WDPCP: variants seen among roughly 807,000 people sequenced by gnomAD.
WDPCP encodes WD repeat-containing and planar cell polarity effector protein fritz homolog.
In WDPCP, 71 loss-of-function variants were observed where a neutral mutation model predicts 93.1. That is an observed-to-expected ratio of 0.76 (90% CI 0.63 to 0.93). The LOEUF (loss-of-function observed/expected upper bound fraction) is 0.93. Among genes scored for constraint, WDPCP ranks in the 40% least tolerant of loss-of-function variants. The pLI, the probability that WDPCP is intolerant of heterozygous loss-of-function variation, is 0.00. For missense variants in WDPCP, 844 were observed against 887.4 expected, an observed-to-expected ratio of 0.95 and a Z score of 0.62; for synonymous variants, 315 against 315.0, an observed-to-expected ratio of 1.00 and a Z score of 0.00.
intron 9 of WDPCP, among the ~76,000 whole-genome samples, chr2:63,412,640 C>T (rs1575363800): frequency 6.6e-6 from 1 of 152,206 alleles, no homozygotes; most frequent in East Asian, 1.9e-4. Context: ...TGTAAGTACT[C>T]CTCCAGAAAG....
At chr2:63,747,736 T>C (rs2103873337) in intron 2 of WDPCP, among the ~76,000 whole-genome samples, 1 of 152,080 alleles carries the variant, frequency 6.6e-6, no homozygotes, top group African/African-American at 2.4e-5. Flanking sequence ...TCTTTAAGAG[T>C]GTTTTGGCTA....
At chr2:63,504,516 GGTAAA>G (rs1271065072) in intron 1 of WDPCP, among the ~76,000 whole-genome samples, 15 of 151,718 alleles carry the variant, frequency 9.9e-5, no homozygotes. Flanking sequence ...AATCTATGAG[GGTAAA>G]GTAATTTGCA....
chr2:63,125,602 G>T (rs1245051235), intron 17 of WDPCP, among the ~76,000 whole-genome samples: 2 of 151,784 alleles, frequency 1.3e-5, no homozygotes, highest in Non-Finnish European at 2.9e-5. Flanking sequence ...TTGCTTTTCA[G>T]TTTTTTTTGT....
chr2:63,501,879 G>A (rs570255649), intron 1 of WDPCP, among the ~76,000 whole-genome samples: 6 of 152,328 alleles, frequency 3.9e-5, no homozygotes, highest in Non-Finnish European at 7.3e-5. Context: ...GCTTCCCAAA[G>A]TGCTGGGATT....
intron 14 of WDPCP, among the ~76,000 whole-genome samples, chr2:63,200,019 G>A (rs1182627835): frequency 6.6e-6 from 1 of 152,212 alleles, no homozygotes; most frequent in African/African-American, 2.4e-5. Flanking sequence ...TTATTTTGGA[G>A]CTTTAAGAGC....
At chr2:63,553,026 T>G (rs763409206) in intron 1 of WDPCP, among the ~76,000 whole-genome samples, 1 of 152,156 alleles carries the variant, frequency 6.6e-6, no homozygotes, top group Non-Finnish European at 1.5e-5. Flanking sequence ...AAATTTAACC[T>G]CTCTGGGCCT....
At chr2:63,500,454 G>GTGTGTGTGTGTGT (rs1553412903) in intron 1 of WDPCP, among the ~76,000 whole-genome samples, 2,219 of 149,544 alleles carry the variant, frequency 0.015, 30 homozygotes, top group African/African-American at 0.034. Flanking sequence ...ATGGTGTGGG[G>GTGTGTGTGTGTGT]GTGTGTGTGT....
At chr2:63,498,560 A>C (rs1158990948) in intron 1 of WDPCP, among the ~76,000 whole-genome samples, 1 of 152,224 alleles carries the variant, frequency 6.6e-6, no homozygotes, top group African/African-American at 2.4e-5. Flanking sequence ...GTAACATGCA[A>C]AATAGAAATA....
intron 3 of WDPCP, among the ~76,000 whole-genome samples, chr2:63,630,057 G>A (rs994970812): frequency 5.9e-5 from 9 of 152,080 alleles, no homozygotes; most frequent in African/African-American, 2.2e-4. Context: ...GAACATGCTT[G>A]GAACAAATGA....
At chr2:63,162,499 A>G (rs1672709512) in intron 15 of WDPCP, among the ~76,000 whole-genome samples, 1 of 152,202 alleles carries the variant, frequency 6.6e-6, no homozygotes, top group African/African-American at 2.4e-5. Flanking sequence ...TAAAGAGCTG[A>G]CAATCAGTGA....
At chr2:63,240,372 C>A (rs1196028402) in intron 14 of WDPCP, among the ~76,000 whole-genome samples, 1 of 151,942 alleles carries the variant, frequency 6.6e-6, no homozygotes, top group Non-Finnish European at 1.5e-5. Flanking sequence ...GAGTTGTGGT[C>A]TTGATATATT....
intron 12 of WDPCP, among the ~76,000 whole-genome samples, chr2:63,353,089 G>A (rs977674828): frequency 6.6e-6 from 1 of 152,136 alleles, no homozygotes; most frequent in Non-Finnish European, 1.5e-5. Flanking sequence ...CAGAGCCAGG[G>A]AAGCAGTGAA....
At chr2:63,247,840 T>C (rs901410249) in intron 14 of WDPCP, among the ~76,000 whole-genome samples, 1 of 152,096 alleles carries the variant, frequency 6.6e-6, no homozygotes, top group Non-Finnish European at 1.5e-5. Context: ...AGGCTTTTTG[T>C]TACTCATTTC....
chr2:63,753,501 C>T (rs1263089864), intron 2 of WDPCP, among the ~76,000 whole-genome samples: 1 of 152,118 alleles, frequency 6.6e-6, no homozygotes, highest in Admixed American at 6.5e-5. Flanking sequence ...TCAACTGGCT[C>T]ATGGTTACAC....
At chr2:63,840,770 T>G in the WDPCP span, among the ~76,000 whole-genome samples, 1 of 152,246 alleles carries the variant, frequency 6.6e-6, no homozygotes, top group African/African-American at 2.4e-5. Context: ...GAGGCTTCCC[T>G]GGCCGCAACG....
At chr2:63,175,384 A>T (rs1398396106) in intron 14 of WDPCP, among the ~76,000 whole-genome samples, 2 of 149,136 alleles carry the variant, frequency 1.3e-5, no homozygotes, top group Non-Finnish European at 3.0e-5. Flanking sequence ...TGAAAAATAT[A>T]TTTTTTGTAA....
intron 2 of WDPCP, among the ~76,000 whole-genome samples, chr2:63,756,255 C>A (rs1414685458): frequency 6.6e-6 from 1 of 152,162 alleles, no homozygotes; most frequent in African/African-American, 2.4e-5. Context: ...AGTAAGTTTG[C>A]TTGACTACAC....
chr2:63,365,739 A>G (rs763476838), intron 12 of WDPCP, among the ~76,000 whole-genome samples: 1 of 152,148 alleles, frequency 6.6e-6, no homozygotes, highest in Non-Finnish European at 1.5e-5. Flanking sequence ...AGCATCCTCA[A>G]CTGACATCAC....
intron 13 of WDPCP, among the ~76,000 whole-genome samples, chr2:63,290,698 G>C (rs1392795280): frequency 6.6e-6 from 1 of 152,082 alleles, no homozygotes; most frequent in Non-Finnish European, 1.5e-5. Flanking sequence ...TGAGTTGAGA[G>C]TTTTAGTTTT....
Sources: allele counts gnomAD v4.1 joint callset (sites outside exome capture counted in the v4.1 genomes callset), GRCh38; gene constraint gnomAD v4.1.1; transcripts MANE v1.5; gene names NCBI Gene and HGNC (gene_info 2026-07-23, HGNC 2026-07-21).